The following WRN variants were observed in gnomAD, a reference collection of about 807,000 sequenced individuals.
WRN encodes bifunctional 3'-5' exonuclease/ATP-dependent helicase WRN.
A neutral mutation model predicts 180.7 loss-of-function variants in WRN; 149 were observed. That is an observed-to-expected ratio of 0.82 (90% CI 0.72 to 0.94). The LOEUF (loss-of-function observed/expected upper bound fraction) is 0.94, where lower values mean the gene tolerates loss of function less well. WRN is among the 40% of genes least tolerant of loss of function. The pLI, the probability that WRN is intolerant of heterozygous loss-of-function variation, is 0.00. For missense variants in WRN, 1,661 were observed against 1,700.1 expected (o/e 0.98, Z 0.40); for synonymous variants, 548 against 568.9 (o/e 0.96, Z 0.52).
intron 1 of WRN, among the ~76,000 whole-genome samples, chr8:31,048,997 A>C (rs1294913703): frequency 6.6e-6 from 1 of 151,850 alleles, no homozygotes; most frequent in Non-Finnish European, 1.5e-5. Flanking sequence ...AGTATAGTTA[A>C]AGAGAAAGAA....
At chr8:31,042,424 A>G (rs2129921648) in intron 1 of WRN, among the ~76,000 whole-genome samples, 1 of 152,348 alleles carries the variant, frequency 6.6e-6, no homozygotes, top group South Asian at 2.1e-4. Context: ...CAACTCAAAT[A>G]CCATCAATTT....
intron 28 of WRN, 49 bp from the exon 29 acceptor site, chr8:31,147,004 T>G (rs1260425560): frequency 4.1e-6 from 6 of 1,475,414 alleles, no homozygotes; most frequent in Non-Finnish European, 4.6e-6. Flanking sequence ...AGAAAGTCAA[T>G]GAGGAGAAAG....
At chr8:31,122,860 G>GTTTTTTTTT (rs71206298) in intron 21 of WRN, among the ~76,000 whole-genome samples, 10 of 69,484 alleles carry the variant, frequency 1.4e-4, no homozygotes, top group East Asian at 9.5e-4. Flanking sequence ...TTCTTTTCTT[G>GTTTTTTTTT]TTTTTTTTTT....
At chr8:31,082,212 A>G (rs569808246) in intron 9 of WRN, among the ~76,000 whole-genome samples, 1 of 152,264 alleles carries the variant, frequency 6.6e-6, no homozygotes, top group South Asian at 2.1e-4. Flanking sequence ...GTTTTGCATT[A>G]GTTTACAAAA....
At chr8:31,125,172 A>C (rs920251520) in intron 23 of WRN, among the ~76,000 whole-genome samples, 172 bp downstream of exon 23, 1 of 151,984 alleles carries the variant, frequency 6.6e-6, no homozygotes, top group African/African-American at 2.4e-5. Flanking sequence ...TAAAAAATAG[A>C]TAAAGCAATA....
intron 1 of WRN, among the ~76,000 whole-genome samples, chr8:31,055,701 C>T (rs976421024): frequency 1.3e-5 from 2 of 151,776 alleles, no homozygotes; most frequent in Non-Finnish European, 2.9e-5. Flanking sequence ...AAATTTTCTC[C>T]CATTCTGTAG....
intron 21 of WRN, among the ~76,000 whole-genome samples, chr8:31,121,514 G>C (rs918859040): frequency 2.6e-5 from 4 of 151,902 alleles, no homozygotes; most frequent in African/African-American, 9.7e-5. Context: ...TCATTTTACT[G>C]TTCTCCTTTT....
chr8:31,126,167 C>T lies in WRN; in HGVS notation c.2825+1167C>T, dbSNP rs1413510692. Among the ~76,000 whole-genome samples the T allele has an allele frequency of 3.3e-5, 5 of 152,016 alleles. No individual in the cohort carries two copies. In the East Asian group the frequency reaches 5.8e-4, roughly 18 times the overall value. On this transcript the variant is annotated intron_variant, in intron 23 of 34. Coordinates refer to ENST00000298139, the MANE Select transcript of WRN (RefSeq NM_000553.6). ...TATCAGCATGCTGGATCTCATTGAC[C>T]TTTTTAGAACATTCTACCCAACAAC... is the stretch of plus-strand genomic sequence containing the variant.
In WRN at chr8:31,067,127, G is replaced by A; in HGVS notation, c.599G>A (p.Trp200Ter). ...GACAAGTCTATCCGCTGTAGCAATT[G>A]GAGTAAATTTCCTCTCACTGAGGAC... Reference protein sequence around the residue: ...LKDKSIRCSNWSKFPLTEDQK... With the variant: ...LKDKSIRCSN The change falls in exon 6 of 35, where the codon TGG becomes TAG. Residue 200 changes from tryptophan to a stop codon, truncating the protein, a stop_gained. Coordinates refer to ENST00000298139, the MANE Select transcript of WRN (RefSeq NM_000553.6). LOFTEE classifies it high-confidence loss of function. 6.2e-7 allele frequency: 1 copy of A among 1,613,888 alleles called. No individual in the cohort carries two copies. Among genetic ancestry groups the A allele is most frequent in the Non-Finnish European group, 8.5e-7 (1 of 1,179,954 alleles).
At chr8:31,101,972 A>C (rs568244854) in intron 18 of WRN, among the ~76,000 whole-genome samples, 1 of 151,842 alleles carries the variant, frequency 6.6e-6, no homozygotes, top group Non-Finnish European at 1.5e-5. Context: ...TGTACCTTTC[A>C]TCCAGTTTCC....
chr8:31,063,486 G>A (rs1038767611), intron 3 of WRN, among the ~76,000 whole-genome samples: 5 of 152,164 alleles, frequency 3.3e-5, no homozygotes, highest in Non-Finnish European at 7.3e-5. Context: ...AAACTTGCCA[G>A]GTCATAGTGT....
rs142679273 is a variant in WRN, at chr8:31,092,439, T to TTGTG, written c.1898+559_1898+562dup. Among the ~76,000 whole-genome samples the TTGTG allele has an allele frequency of 5.3e-3, 782 of 146,802 alleles. 3 individuals carry two copies. Among genetic ancestry groups the TTGTG allele is most frequent in the South Asian group, 0.029 (132 of 4,540 alleles). On this transcript the variant is annotated intron_variant, in intron 16 of 34. Coordinates refer to ENST00000298139, the MANE Select transcript of WRN (RefSeq NM_000553.6). ...TCAGATACACATACACACACCCATT[T>TTGTG]TGTGTGTGTGTGTGTGTGTGTATAT...
intron 33 of WRN, among the ~76,000 whole-genome samples, chr8:31,159,685 A>C (rs1479690421): frequency 7.9e-6 from 1 of 126,028 alleles, no homozygotes; most frequent in African/African-American, 2.7e-5. Context: ...CATGCCTATA[A>C]TCCTAGCACT....
intron 18 of WRN, among the ~76,000 whole-genome samples, chr8:31,101,340 C>T (rs1460994352): frequency 6.6e-6 from 1 of 152,160 alleles, no homozygotes; most frequent in Non-Finnish European, 1.5e-5. Context: ...TCTCAGTGAT[C>T]TTTCATCCGT....
chr8:31,115,282 A>C (rs976060940), intron 19 of WRN, among the ~76,000 whole-genome samples: 4 of 152,312 alleles, frequency 2.6e-5, no homozygotes, highest in African/African-American at 7.2e-5. Flanking sequence ...ATTGAAGCCC[A>C]TTTGGTTGCT....
At chr8:31,071,997 A>T (rs148149886) in intron 7 of WRN, among the ~76,000 whole-genome samples, 14 of 152,232 alleles carry the variant, frequency 9.2e-5, no homozygotes, top group Non-Finnish European at 1.8e-4. Flanking sequence ...AGGGAGGGAG[A>T]CCTGTAAGAC....
intron 21 of WRN, among the ~76,000 whole-genome samples, chr8:31,122,208 A>G (rs1052068890): frequency 1.3e-5 from 2 of 152,024 alleles, no homozygotes; most frequent in Admixed American, 6.6e-5. Flanking sequence ...CTTTGCATCA[A>G]TCCTGAGGAA....
chr8:31,060,980 AT>A, intron 3 of WRN, among the ~76,000 whole-genome samples: 1 of 152,190 alleles, frequency 6.6e-6, no homozygotes, highest in East Asian at 1.9e-4. Context: ...AGTTCGTTGA[AT>A]TTTTTTGATC....
chr8:31,036,641 A>G (rs1563315571), intron 1 of WRN, among the ~76,000 whole-genome samples: 2 of 152,140 alleles, frequency 1.3e-5, no homozygotes, highest in East Asian at 3.8e-4. Flanking sequence ...GGTTATTTGT[A>G]TATCTCCTTT....
Sources: allele counts gnomAD v4.1 joint callset (sites outside exome capture counted in the v4.1 genomes callset), GRCh38; gene constraint gnomAD v4.1.1; transcripts MANE v1.5; gene names NCBI Gene and HGNC (gene_info 2026-07-23, HGNC 2026-07-21).